Variants in EPHB1 observed in about 807,000 individuals in gnomAD.
The protein encoded by EPHB1 is EPH receptor B1.
A neutral mutation model predicts 94.4 loss-of-function variants in EPHB1; 30 were observed. The ratio of observed to expected loss-of-function variants is 0.32; its 90% CI spans 0.24 to 0.43. EPHB1 has a LOEUF of 0.43. Among genes scored for constraint, EPHB1 ranks in the 20% least tolerant of loss-of-function variants. EPHB1 has a pLI of 1.00. For synonymous variants in EPHB1, 522 were observed against 489.1 expected, an observed-to-expected ratio of 1.07 and a Z score of -0.89; for missense variants, 1,055 against 1,308.3, an observed-to-expected ratio of 0.81 and a Z score of 2.99.
intron 5 of EPHB1, among the ~76,000 whole-genome samples, chr3:135,144,585 A>G (rs529611742): frequency 1.8e-4 from 27 of 152,322 alleles, no homozygotes; most frequent in Non-Finnish European, 3.4e-4. Flanking sequence ...AGGTAACATC[A>G]GAAGTGAGGG....
At chr3:134,890,811 AT>A (rs2037964597) in intron 1 of EPHB1, among the ~76,000 whole-genome samples, 1 of 152,084 alleles carries the variant, frequency 6.6e-6, no homozygotes, top group Admixed American at 6.5e-5. Context: ...ATTTTCAAGT[AT>A]TTTGTCTCTT....
intron 2 of EPHB1, among the ~76,000 whole-genome samples, chr3:134,941,949 C>A (rs2039128204): frequency 6.6e-6 from 1 of 152,230 alleles, no homozygotes; most frequent in Non-Finnish European, 1.5e-5. Context: ...ACATCAAAGT[C>A]ATGATCTGAA....
intron 3 of EPHB1, among the ~76,000 whole-genome samples, chr3:135,043,706 A>G (rs971657366): frequency 1.3e-5 from 2 of 152,176 alleles, no homozygotes; most frequent in Non-Finnish European, 2.9e-5. Context: ...TTCCTAAGAT[A>G]TATTCCTTTA....
chr3:135,229,445 C>A (rs77381234), intron 12 of EPHB1, among the ~76,000 whole-genome samples: 1 of 151,886 alleles, frequency 6.6e-6, no homozygotes, highest in Non-Finnish European at 1.5e-5. Context: ...TGTTGGAGGG[C>A]GGGGGCAGGA....
intron 3 of EPHB1, among the ~76,000 whole-genome samples, chr3:135,079,445 C>T (rs368944530): frequency 4.7e-4 from 71 of 152,302 alleles, no homozygotes; most frequent in African/African-American, 1.7e-3. Flanking sequence ...ATGCCTCCAT[C>T]CAACTGGTTC....
At chr3:134,806,547 C>A (rs2036045671) in intron 1 of EPHB1, among the ~76,000 whole-genome samples, 1 of 152,154 alleles carries the variant, frequency 6.6e-6, no homozygotes, top group Non-Finnish European at 1.5e-5. Context: ...ACTGCAGATT[C>A]CTGAGCAAAA....
chr3:135,231,847 G>A (rs1256795327), intron 12 of EPHB1, among the ~76,000 whole-genome samples: 1 of 152,132 alleles, frequency 6.6e-6, no homozygotes, highest in Non-Finnish European at 1.5e-5. Context: ...TGTTCCTGCA[G>A]CCTGCTTCCC....
In EPHB1 at chr3:135,010,153, G is replaced by C. The variant is rs552861633; in HGVS notation, c.805+58101G>C. On this transcript the variant is annotated intron_variant, in intron 3 of 15. Coordinates refer to ENST00000398015, the MANE Select transcript of EPHB1 (RefSeq NM_004441.5). ...AAATTAAAATGAAAGTGCAAAAATT[G>C]CTAAAGTTCAAAAATGTTTTTCTTC... Among the ~76,000 whole-genome samples, 13 of 152,226 alleles carry C rather than the reference G, an allele frequency of 8.5e-5. No individual in the cohort carries two copies. In the South Asian group the frequency reaches 2.7e-3, roughly 32 times the overall value.
intron 1 of EPHB1, among the ~76,000 whole-genome samples, chr3:134,901,281 C>G (rs901504442): frequency 3.3e-5 from 5 of 151,714 alleles, no homozygotes; most frequent in Non-Finnish European, 7.4e-5. Flanking sequence ...AAATCAGGAT[C>G]TAAACAAAAT....
At chr3:135,257,525 G>C (rs538118275) in intron 15 of EPHB1, among the ~76,000 whole-genome samples, 1 of 152,282 alleles carries the variant, frequency 6.6e-6, no homozygotes, top group South Asian at 2.1e-4. Flanking sequence ...CAGTTAGGTT[G>C]CTGGGGGGGT....
At chr3:135,140,352 G>GT (rs1553740571) in intron 5 of EPHB1, among the ~76,000 whole-genome samples, 7 of 152,174 alleles carry the variant, frequency 4.6e-5, no homozygotes, top group Non-Finnish European at 1.0e-4. Flanking sequence ...AGGAGAGAAC[G>GT]CCCTGTATCC....
chr3:134,814,368 G>A (rs1455975524), intron 1 of EPHB1, among the ~76,000 whole-genome samples: 4 of 152,168 alleles, frequency 2.6e-5, no homozygotes, highest in Non-Finnish European at 4.4e-5. Flanking sequence ...AGTAGCAGAA[G>A]CAGAAGCAAG....
chr3:135,128,832 A>AT (rs34865226), intron 4 of EPHB1, among the ~76,000 whole-genome samples: 2 of 152,022 alleles, frequency 1.3e-5, no homozygotes, highest in Non-Finnish European at 2.9e-5. Context: ...ATGAATGGTC[A>AT]TTTTTTTGTG....
intron 1 of EPHB1, among the ~76,000 whole-genome samples, chr3:134,902,224 A>G (rs377661717): frequency 3.9e-5 from 6 of 152,122 alleles, no homozygotes; most frequent in African/African-American, 1.2e-4. Flanking sequence ...GTCAGTGGAT[A>G]TAGAGATAGA....
chr3:134,911,770 C>T (rs538914531), intron 1 of EPHB1, among the ~76,000 whole-genome samples: 1 of 152,302 alleles, frequency 6.6e-6, no homozygotes, highest in African/African-American at 2.4e-5. Context: ...CAGCACCAGT[C>T]TGGTCTGGGA....
intron 3 of EPHB1, among the ~76,000 whole-genome samples, chr3:134,980,416 G>T (rs889259291): frequency 6.6e-6 from 1 of 152,178 alleles, no homozygotes; most frequent in Admixed American, 6.5e-5. Context: ...GGTTGAAGAA[G>T]TCACAAGCCC....
intron 4 of EPHB1, among the ~76,000 whole-genome samples, chr3:135,128,078 A>T (rs1273765687): frequency 6.6e-6 from 1 of 152,080 alleles, no homozygotes; most frequent in Non-Finnish European, 1.5e-5. Context: ...GCCTGTCTGT[A>T]TGTAATTAAG....
chr3:134,886,522 AC>A (rs2037866085), intron 1 of EPHB1, among the ~76,000 whole-genome samples: 1 of 152,246 alleles, frequency 6.6e-6, no homozygotes, highest in Non-Finnish European at 1.5e-5. Context: ...GGTGAAAAAA[AC>A]AAACACGGAT....
intron 5 of EPHB1, among the ~76,000 whole-genome samples, chr3:135,144,153 C>T (rs1940929973): frequency 6.6e-6 from 1 of 152,216 alleles, no homozygotes; most frequent in African/African-American, 2.4e-5. Context: ...GAGCCCTACA[C>T]TGATCTCAGG....
Sources: gnomAD v4.1 joint callset for allele counts (sites outside exome capture counted in the v4.1 genomes callset) on GRCh38, gnomAD v4.1.1 for gene constraint, MANE v1.5 for transcripts, NCBI Gene and HGNC (gene_info 2026-07-23, HGNC 2026-07-21) for gene names.